MSH4: variants seen among roughly 807,000 people sequenced by gnomAD.
MSH4 encodes the protein mutS homolog 4.
Under a neutral mutation model 113.7 loss-of-function variants are expected in MSH4, and 106 were observed. That is an observed-to-expected ratio of 0.93 (90% CI 0.80 to 1.10). The LOEUF (loss-of-function observed/expected upper bound fraction) is 1.10, where lower values mean the gene tolerates loss of function less well. Among genes scored for constraint, MSH4 ranks in the 50% least tolerant of loss-of-function variants. MSH4 has a pLI of 0.00. For missense variants in MSH4, 1,061 were observed against 1,093.7 expected (o/e 0.97, Z 0.42); for synonymous variants, 368 against 380.2 (o/e 0.97, Z 0.37).
chr1:75,866,801 T>C (rs1306333847), intron 8 of MSH4, among the ~76,000 whole-genome samples: 1 of 151,644 alleles, frequency 6.6e-6, no homozygotes, highest in Non-Finnish European at 1.5e-5. Context: ...GCCAACATGG[T>C]GAAACCCCAT....
At chr1:75,802,068 G>C (rs1010096884) in intron 1 of MSH4, among the ~76,000 whole-genome samples, 2 of 151,550 alleles carry the variant, frequency 1.3e-5, no homozygotes, top group Non-Finnish European at 2.9e-5. Context: ...ACTCGGGAGG[G>C]TGAGGTAGGA....
At chr1:75,907,260 A>G (rs533017902) in intron 19 of MSH4, among the ~76,000 whole-genome samples, 21 of 152,144 alleles carry the variant, frequency 1.4e-4, no homozygotes, top group African/African-American at 4.8e-4. Flanking sequence ...TGTTTGAAGG[A>G]AAGTTTTGCT....
rs138170047 is a variant in MSH4 at position 75,828,797 on chromosome 1, C to G, written c.1162+6216C>G. On this transcript the variant is annotated intron_variant, in intron 7 of 19. Transcript: ENST00000263187. ...AACCTGCACATGTACCCTGTAAATC[C>G]AAAATAATTTTTTTTAAAAAGGAAA... Among the ~76,000 whole-genome samples the G allele has an allele frequency of 1.2e-4, 19 of 152,152 alleles. No homozygotes were observed. In the East Asian group the frequency reaches 3.7e-3, roughly 29 times the overall value.
intron 8 of MSH4, among the ~76,000 whole-genome samples, chr1:75,866,827 AAAAG>A (rs1212535321): frequency 1.3e-5 from 2 of 152,152 alleles, no homozygotes; most frequent in Non-Finnish European, 2.9e-5. Flanking sequence ...TTAAAAAAAA[AAAAG>A]AAACATCTTC....
intron 9 of MSH4, among the ~76,000 whole-genome samples, chr1:75,868,891 G>A (rs772462606): frequency 3.3e-5 from 5 of 152,124 alleles, no homozygotes; most frequent in Non-Finnish European, 7.4e-5. Context: ...TCCCAGTCTT[G>A]GGTATGTCTT....
intron 7 of MSH4, among the ~76,000 whole-genome samples, chr1:75,828,060 T>C (rs940322812): frequency 7.2e-5 from 11 of 152,192 alleles, no homozygotes; most frequent in African/African-American, 2.7e-4. Flanking sequence ...GAAAAAATGC[T>C]CAATGTCACT....
At chr1:75,883,215 T>TA (rs1323958093) in intron 14 of MSH4, among the ~76,000 whole-genome samples, 1 of 148,368 alleles carries the variant, frequency 6.7e-6, no homozygotes, top group Non-Finnish European at 1.5e-5. Flanking sequence ...CCATGTTGCC[T>TA]AGGCTGGTCT....
At chr1:75,839,523 T>C (rs1650905620) in intron 7 of MSH4, among the ~76,000 whole-genome samples, 1 of 152,170 alleles carries the variant, frequency 6.6e-6, no homozygotes. Context: ...GTCTTAATGG[T>C]TTGTAATTTA....
At chr1:75,912,311 A>G (rs1398797813) in intron 19 of MSH4, among the ~76,000 whole-genome samples, 4 of 152,036 alleles carry the variant, frequency 2.6e-5, no homozygotes, top group African/African-American at 9.7e-5. Context: ...AGCAATGAAC[A>G]ATGCTGTTTT....
At chr1:75,874,203 GT>G (rs1414049596) in intron 9 of MSH4, among the ~76,000 whole-genome samples, 2 of 151,918 alleles carry the variant, frequency 1.3e-5, no homozygotes, top group Non-Finnish European at 2.9e-5. Context: ...TCATATGTTT[GT>G]TGTCCACATG....
chr1:75,885,917 T>C (rs1445933129), intron 15 of MSH4, among the ~76,000 whole-genome samples: 1 of 36,824 alleles, frequency 2.7e-5, no homozygotes, highest in African/African-American at 7.3e-5. Context: ...GTATATATAA[T>C]ATATATGATG....
chr1:75,830,668 G>T (rs1459479975), intron 7 of MSH4, among the ~76,000 whole-genome samples: 1 of 152,116 alleles, frequency 6.6e-6, no homozygotes, highest in African/African-American at 2.4e-5. Context: ...TTTCAACCCA[G>T]AATTTCATAT....
Position 75,883,692 on chromosome 1 carries a change from G to A in MSH4, c.1978G>A (p.Glu660Lys), listed in dbSNP as rs1651984721. ...TCCTATTCTTGAAAAAATATCTGCGGAAAAACCTATTGCCAACAATACCTA... is the reference window on the plus strand; with the variant it reads ...TCCTATTCTTGAAAAAATATCTGCGAAAAAACCTATTGCCAACAATACCTA... ...WHPILEKISAEKPIANNTYVT... is the reference protein window; with the variant it reads ...WHPILEKISAKKPIANNTYVT... Residue 660 changes from glutamate to lysine, a missense_variant, in exon 15 of 20, where the codon GAA becomes AAA. By Grantham distance (56) the Glu-to-Lys change is moderately conservative. Transcript: ENST00000263187. The A allele has an allele frequency of 6.2e-7, 1 of 1,613,248 alleles. No homozygotes were observed. Among genetic ancestry groups the A allele is most frequent in the Non-Finnish European group, 8.5e-7 (1 of 1,179,622 alleles).
At chr1:75,893,412 G>A (rs189549351) in intron 17 of MSH4, among the ~76,000 whole-genome samples, 35 of 152,250 alleles carry the variant, frequency 2.3e-4, no homozygotes, top group African/African-American at 7.7e-4. Context: ...GGAAGGAATG[G>A]GAGACTACCA....
rs184719477 is a variant in MSH4, at chr1:75,911,350, A to G, written c.2620-1346A>G. Among the ~76,000 whole-genome samples the G allele has an allele frequency of 3.5e-4, 53 of 152,246 alleles. No homozygotes were observed. The East Asian group carries it at 0.01, about 29-fold the overall frequency. On this transcript the variant is annotated intron_variant, in intron 19 of 19. Transcript: ENST00000263187. ...CATCATATTGACCTGATTGTGTACC[A>G]TGCTTTCAAATGTACCTGCTCTAAC... is the stretch of plus-strand genomic sequence containing the variant.
chr1:75,853,853 T>C (rs796412255), intron 8 of MSH4, among the ~76,000 whole-genome samples: 23 of 151,990 alleles, frequency 1.5e-4, no homozygotes, highest in African/African-American at 5.3e-4. Flanking sequence ...TCTTGTACTT[T>C]CCTTGGTAGC....
intron 6 of MSH4, among the ~76,000 whole-genome samples, chr1:75,821,175 T>C (rs1443388239): frequency 6.7e-6 from 1 of 149,962 alleles, no homozygotes. Flanking sequence ...CCTCAGCAAA[T>C]GTAAAAGAAC....
chr1:75,860,457 G>T (rs1262855997), intron 8 of MSH4, among the ~76,000 whole-genome samples: 1 of 152,116 alleles, frequency 6.6e-6, no homozygotes, highest in East Asian at 1.9e-4. Flanking sequence ...AGGCAGGCCT[G>T]GTGGTGACAA....
chr1:75,797,084 C>G lies in MSH4; in HGVS notation c.99C>G (p.Phe33Leu), dbSNP rs1557485328. The change falls in exon 1 of 20, where the codon TTC becomes TTG. Residue 33 changes from phenylalanine to leucine, a missense_variant. Physicochemically the swap from Phe to Leu is conservative, Grantham distance 22. Transcript: ENST00000263187. ...TRSPQGPRYN[F>L]GLQETPQSRP... ...CACCTCAGGGTCCCCGCTACAATTTCGGACTCCAGGAGACTCCACAGAGCC... is the reference window on the plus strand; with the variant it reads ...CACCTCAGGGTCCCCGCTACAATTTGGGACTCCAGGAGACTCCACAGAGCC... The G allele has an allele frequency of 6.2e-7, 1 of 1,614,046 alleles. No homozygotes were observed. The highest frequency in any genetic ancestry group is 1.1e-5 in the South Asian group (1 of 91,084).
Sources: allele counts gnomAD v4.1 joint callset (sites outside exome capture counted in the v4.1 genomes callset), GRCh38; gene constraint gnomAD v4.1.1; transcripts MANE v1.5; gene names NCBI Gene and HGNC (gene_info 2026-07-23, HGNC 2026-07-21).